The following NPY variants were observed in gnomAD, a reference collection of about 807,000 sequenced individuals.
NPY encodes the protein pro-neuropeptide Y.
In NPY, 11 loss-of-function variants were observed where a neutral mutation model predicts 13.2. That is an observed-to-expected ratio of 0.83 (90% CI 0.52 to 1.38). NPY has a LOEUF of 1.38. Among genes scored for constraint, NPY ranks in the 40% most tolerant of loss-of-function variants. The pLI is 0.00. For missense variants in NPY, 109 were observed against 125.1 expected (o/e 0.87, Z 0.61); for synonymous variants, 51 against 55.6 (o/e 0.92, Z 0.37).
chr7:24,288,939 A>G (rs560570948), intron 2 of NPY, among the ~76,000 whole-genome samples: 1 of 152,332 alleles, frequency 6.6e-6, no homozygotes, highest in South Asian at 2.1e-4. Flanking sequence ...GGATGTTCAC[A>G]AAGACTCTGA....
chr7:24,287,186 A>G (rs969938222), intron 2 of NPY, among the ~76,000 whole-genome samples: 1 of 146,794 alleles, frequency 6.8e-6, no homozygotes, highest in African/African-American at 2.4e-5. Flanking sequence ...AGAAAAAAAC[A>G]TAAAGGAAAG....
intron 3 of NPY, 137 bp downstream of exon 3, chr7:24,289,716 G>C: frequency 3.8e-6 from 2 of 526,022 alleles, no homozygotes; most frequent in East Asian, 3.2e-5. Flanking sequence ...TGAGGATGAA[G>C]AAGCAGGCAG....
At chr7:24,288,011 T>C (rs1385354649) in intron 2 of NPY, among the ~76,000 whole-genome samples, 1 of 152,064 alleles carries the variant, frequency 6.6e-6, no homozygotes, top group Non-Finnish European at 1.5e-5. Flanking sequence ...AGTTACAGCA[T>C]TGTAGAGGGG....
chr7:24,287,362 C>T (rs1468271), intron 2 of NPY, among the ~76,000 whole-genome samples: 147,661 of 152,196 alleles, frequency 0.97, 71,655 homozygotes, highest in East Asian at 1. Flanking sequence ...CTCCTATGTG[C>T]GTTTCTGAAA....
rs777557103 is a variant in NPY, at chr7:24,291,688, T to C, written c.*1T>C. On this transcript the variant is annotated 3_prime_UTR_variant, in exon 4 of 4. Transcript: ENST00000242152. ...GCTTGAAGACCCTGCAATGTGGTGA[T>C]GGGAAATGAGACTTGCTCTCTGGCC... 5.6e-6 allele frequency: 9 copies of C among 1,614,046 alleles called. No homozygotes were observed. The highest frequency in any genetic ancestry group is 4.0e-5 in the African/African-American group (3 of 74,936).
intron 2 of NPY, among the ~76,000 whole-genome samples, chr7:24,288,687 GAAAAAAAAAAA>G (rs59946765): frequency 0.077 from 6,898 of 89,128 alleles, 231 homozygotes; most frequent in South Asian, 0.11. Flanking sequence ...TGCTACAGGA[GAAAAAAAAAAA>G]AAAAAAAAAA....
chr7:24,288,687 GAAAAAAAAAAAA>G (rs59946765), intron 2 of NPY, among the ~76,000 whole-genome samples: 10 of 89,046 alleles, frequency 1.1e-4, no homozygotes, highest in Admixed American at 6.6e-4. Context: ...TGCTACAGGA[GAAAAAAAAAAAA>G]AAAAAAAAAA....
intron 3 of NPY, among the ~76,000 whole-genome samples, chr7:24,290,530 CT>C (rs1787561327): frequency 6.6e-6 from 1 of 152,082 alleles, no homozygotes; most frequent in African/African-American, 2.4e-5. Context: ...GGGTGACCCG[CT>C]GGGCCACCCA....
At chr7:24,289,026 A>AT (rs561021607) in intron 2 of NPY, among the ~76,000 whole-genome samples, 16 of 150,454 alleles carry the variant, frequency 1.1e-4, no homozygotes, top group African/African-American at 2.0e-4. Flanking sequence ...CAATCTGCTG[A>AT]TTTTTTTTTT....
At chr7:24,289,474 C>A in intron 2 of NPY, 25 bp from the exon 3 acceptor site, 1 of 1,571,420 alleles carries the variant, frequency 6.4e-7, no homozygotes, top group Non-Finnish European at 8.7e-7. Context: ...TCCAAACTTG[C>A]TTTAAAAGAC....
rs16139 is a variant in NPY at position 24,285,260 on chromosome 7, T to A, written c.20T>A (p.Leu7Gln). 1 of 1,614,036 alleles carries A rather than the reference T, an allele frequency of 6.2e-7. No individual in the cohort carries two copies. The highest frequency in any genetic ancestry group is 8.5e-7 in the Non-Finnish European group (1 of 1,179,966). MLGNKR[L>Q]GLSGLTLALS... ...CTGCAGATGCTAGGTAACAAGCGAC[T>A]GGGGCTGTCCGGACTGACCCTCGCC... The change falls in exon 2 of 4, where the codon CTG becomes CAG. Residue 7 changes from leucine to glutamine, a missense_variant. By Grantham distance (113) the Leu-to-Gln change is moderately radical (BLOSUM62 -2). Transcript: ENST00000242152. This position sits in a 1 kb window ranked among gnomAD's most constrained non-coding sequence, Gnocchi z 4.9.
chr7:24,291,755 A>G lies in NPY; in HGVS notation c.*68A>G. 3 of 1,573,966 alleles carry G rather than the reference A, an allele frequency of 1.9e-6. No individual in the cohort carries two copies. The highest frequency in any genetic ancestry group is 2.6e-6 in the Non-Finnish European group (3 of 1,144,372). ...CCATATTTCATCGTGTAAAACGAGAATCCACCCATCCTACCAATGCATGCA... is the reference window on the plus strand; with the variant it reads ...CCATATTTCATCGTGTAAAACGAGAGTCCACCCATCCTACCAATGCATGCA... On this transcript the variant is annotated 3_prime_UTR_variant, in exon 4 of 4. Coordinates refer to ENST00000242152, the MANE Select transcript of NPY (RefSeq NM_000905.4).
chr7:24,284,977 G>A, intron 1 of NPY: 1 of 552,560 alleles, frequency 1.8e-6, no homozygotes, highest in Non-Finnish European at 3.2e-6. Context: ...CACTCTCGCC[G>A]CGCGCTTCTT....
At position 24,284,225 on chromosome 7, in the gene NPY, C is replaced by G. The variant is rs549942824; in HGVS notation, c.-51C>G. ...CTGGCTCTCACCCCTCGGAGACGCT[C>G]GCCCGACAGCATAGTACTTGCCGCC... On this transcript the variant is annotated 5_prime_UTR_variant, in exon 1 of 4. Transcript: ENST00000242152. 6.0e-4 allele frequency: 92 copies of G among 153,028 alleles called. No individual in the cohort carries two copies. The highest frequency in any genetic ancestry group is 2.2e-3 in the African/African-American group (90 of 41,592). The allele number at this position is 153,028 out of a possible 1,614,324, so 9.5% of individuals were successfully genotyped here.
In NPY at chr7:24,285,505, G is replaced by T. The variant is rs1332640897; in HGVS notation, c.188+77G>T. On this transcript the variant is annotated intron_variant, in intron 2 of 3. Transcript: ENST00000242152. This position sits in a 1 kb window ranked among gnomAD's most constrained non-coding sequence, Gnocchi z 4.9. ...GAGATCCTGGGGATGTTAGGGAAAG[G>T]GATTGTTTCTTTTCCTTCGCTCTAT... 8 of 1,436,126 alleles carry T rather than the reference G, an allele frequency of 5.6e-6. No homozygotes were observed. The highest frequency in any genetic ancestry group is 7.6e-6 in the Non-Finnish European group (8 of 1,048,388). 89.0% of individuals were successfully genotyped at this position (1,436,126 alleles called of 1,614,324 possible).
rs191515150 is a variant in NPY at position 24,284,994 on chromosome 7, T to C, written c.1-247T>C. The C allele has an allele frequency of 1.5e-3, 839 of 571,916 alleles. 9 individuals are homozygous for C. Among genetic ancestry groups the C allele is most frequent in the African/African-American group, 0.015 (777 of 53,046 alleles). The allele number at this position is 571,916 out of a possible 1,614,324, so 35.4% of individuals were successfully genotyped here. ...CTCTCGCCGCGCGCTTCTTGGTCCC[T>C]GAGACTTCGAACGAAGTTGCGCGAA... is the stretch of plus-strand genomic sequence containing the variant. On this transcript the variant is annotated intron_variant, in intron 1 of 3. Coordinates refer to ENST00000242152, the MANE Select transcript of NPY (RefSeq NM_000905.4).
chr7:24,290,299 TC>T (rs1787553832), intron 3 of NPY, among the ~76,000 whole-genome samples: 1 of 152,128 alleles, frequency 6.6e-6, no homozygotes, highest in Admixed American at 6.5e-5. Context: ...CTGGTCCTCT[TC>T]CATCTTCATA....
At chr7:24,290,957 T>C (rs2128234059) in intron 3 of NPY, among the ~76,000 whole-genome samples, 1 of 152,108 alleles carries the variant, frequency 6.6e-6, no homozygotes, top group Admixed American at 6.5e-5. Context: ...TCTTTAACAC[T>C]AAGCAGTAAA....
rs753866284 is a variant in NPY at position 24,291,671 on chromosome 7, A to T, written c.278A>T (p.Asp93Val). The T allele has an allele frequency of 1.2e-6, 2 of 1,613,914 alleles. No homozygotes were observed. Among genetic ancestry groups the T allele is most frequent in the African/African-American group, 1.3e-5 (1 of 74,882 alleles). ...CTTCTTATGTTTTACAGGCTTGAAG[A>T]CCCTGCAATGTGGTGATGGGAAATG... ...TENVPRTRLE[D>V]PAMW The change falls in exon 4 of 4, where the codon GAC (aspartate) becomes GTC (valine). Residue 93 changes from aspartate to valine, a missense_variant. Coordinates refer to ENST00000242152, the MANE Select transcript of NPY (RefSeq NM_000905.4).
Sources: gnomAD v4.1 joint callset for allele counts (sites outside exome capture counted in the v4.1 genomes callset) on GRCh38, gnomAD v4.1.1 for gene constraint, Gnocchi (gnomAD v3.1) non-coding constraint, MANE v1.5 for transcripts, NCBI Gene and HGNC (gene_info 2026-07-23, HGNC 2026-07-21) for gene names.